SOX5: variants seen among roughly 807,000 people sequenced by gnomAD.
SOX5 encodes the protein SRY-box transcription factor 5, also known as transcription factor SOX-5.
A neutral mutation model predicts 92.0 loss-of-function variants in SOX5; 9 were observed. That is an observed-to-expected ratio of 0.10 (90% CI 0.06 to 0.17). SOX5 has a LOEUF of 0.17. Among genes scored for constraint, SOX5 ranks in the 10% least tolerant of loss-of-function variants. The probability of loss-of-function intolerance (pLI) is 1.00; values close to 1 mark genes in which losing one functional copy is unlikely to be tolerated. For missense variants in SOX5, 642 were observed against 944.5 expected, an observed-to-expected ratio of 0.68 and a Z score of 4.20; for synonymous variants, 344 against 336.3, an observed-to-expected ratio of 1.02 and a Z score of -0.25.
chr12:23,616,512 G>A (rs2076574182), intron 8 of SOX5, among the ~76,000 whole-genome samples: 1 of 152,170 alleles, frequency 6.6e-6, no homozygotes, highest in African/African-American at 2.4e-5. Flanking sequence ...GTATACTAAG[G>A]AATAGAGTCA....
At chr12:23,743,094 T>C (rs767407052) in intron 4 of SOX5, among the ~76,000 whole-genome samples, 1 of 152,154 alleles carries the variant, frequency 6.6e-6, no homozygotes, top group Non-Finnish European at 1.5e-5. Flanking sequence ...TTTGTAACCA[T>C]AAAAAATTAT....
chr12:24,262,725 A>G (rs1942338809), intron 3 of SOX5, among the ~76,000 whole-genome samples: 2 of 152,174 alleles, frequency 1.3e-5, no homozygotes, highest in Non-Finnish European at 1.5e-5. Flanking sequence ...TCAGGACTCT[A>G]ACATTTTTGA....
At chr12:24,130,928 C>T (rs978017305) in intron 4 of SOX5, among the ~76,000 whole-genome samples, 38 of 152,210 alleles carry the variant, frequency 2.5e-4, no homozygotes, top group African/African-American at 8.7e-4. Context: ...TAACATCTAA[C>T]ACAGCCACAA....
intron 1 of SOX5, among the ~76,000 whole-genome samples, chr12:24,404,743 G>A (rs1430144798): frequency 2.6e-5 from 4 of 152,094 alleles, no homozygotes; most frequent in Admixed American, 2.0e-4. Context: ...AAGTAATTGC[G>A]CTCCTCTGAA....
intron 6 of SOX5, among the ~76,000 whole-genome samples, chr12:23,714,262 A>C (rs545759244): frequency 6.6e-6 from 1 of 152,324 alleles, no homozygotes; most frequent in South Asian, 2.1e-4. Context: ...AATGATATAA[A>C]GGCAATGGCA....
chr12:24,245,483 A>T (rs1313682870), intron 3 of SOX5, among the ~76,000 whole-genome samples: 1 of 152,200 alleles, frequency 6.6e-6, no homozygotes, highest in Non-Finnish European at 1.5e-5. Context: ...AAGCTGGCAA[A>T]CTAATTTGAT....
intron 2 of SOX5, among the ~76,000 whole-genome samples, chr12:24,330,557 A>T (rs1331034493): frequency 1.3e-5 from 2 of 152,172 alleles, no homozygotes; most frequent in South Asian, 4.1e-4. Flanking sequence ...TGTGGCCATG[A>T]TATCCTGTAT....
At chr12:24,135,195 C>G (rs768963046) in intron 4 of SOX5, among the ~76,000 whole-genome samples, 3 of 152,192 alleles carry the variant, frequency 2.0e-5, no homozygotes, top group Non-Finnish European at 2.9e-5. Flanking sequence ...TGCTGCTAAA[C>G]CACCCTAGCC....
chr12:23,597,585 G>A (rs1166074387), intron 9 of SOX5, among the ~76,000 whole-genome samples: 1 of 152,164 alleles, frequency 6.6e-6, no homozygotes, highest in Admixed American at 6.5e-5. Flanking sequence ...TATTTAAAAT[G>A]ACAGGGCAAC....
chr12:23,853,548 T>G (rs955386124), intron 2 of SOX5, among the ~76,000 whole-genome samples: 8 of 151,542 alleles, frequency 5.3e-5, no homozygotes, highest in African/African-American at 1.5e-4. Context: ...AACGTGTTTT[T>G]TTTTTTTTTT....
At chr12:23,957,363 A>G (rs1393243883) in intron 4 of SOX5, among the ~76,000 whole-genome samples, 1 of 152,176 alleles carries the variant, frequency 6.6e-6, no homozygotes, top group Non-Finnish European at 1.5e-5. Flanking sequence ...CGTGCCTGAG[A>G]TTTTAGTTTC....
At chr12:24,407,764 C>T (rs1963287900) in intron 1 of SOX5, among the ~76,000 whole-genome samples, 2 of 152,096 alleles carry the variant, frequency 1.3e-5, no homozygotes, top group Admixed American at 1.3e-4. Flanking sequence ...GAGTGATCAG[C>T]AGAAGGAATG....
chr12:24,021,974 C>A (rs1954344137), intron 4 of SOX5, among the ~76,000 whole-genome samples: 1 of 152,112 alleles, frequency 6.6e-6, no homozygotes, highest in African/African-American at 2.4e-5. Flanking sequence ...TGTATTTGTT[C>A]ACTTCTTTAT....
intron 4 of SOX5, among the ~76,000 whole-genome samples, chr12:24,149,005 G>C (rs1205296988): frequency 6.6e-6 from 1 of 152,106 alleles, no homozygotes; most frequent in South Asian, 2.1e-4. Flanking sequence ...TTAATAAGTG[G>C]TGTTGGAACA....
chr12:24,130,447 A>G (rs1252130591), intron 4 of SOX5, among the ~76,000 whole-genome samples: 6 of 146,832 alleles, frequency 4.1e-5, no homozygotes, highest in Middle Eastern at 3.3e-3. Context: ...TGGATCTCAC[A>G]TAAATCTAAT....
At chr12:23,808,962 A>G (rs12826821) in intron 3 of SOX5, among the ~76,000 whole-genome samples, 1 of 152,178 alleles carries the variant, frequency 6.6e-6, no homozygotes, top group South Asian at 2.1e-4. Flanking sequence ...ATCCTCAGAC[A>G]CAAAATAAGT....
chr12:23,896,340 C>T lies in SOX5; in HGVS notation c.39-316G>A, dbSNP rs764666599. On this transcript the variant is annotated intron_variant, in intron 1 of 14. Coordinates refer to ENST00000451604, the MANE Select transcript of SOX5 (RefSeq NM_006940.6). ...TCCATTTTAGAGGGAAGAAAAATAC[C>T]CATCTAGTTTTACACTCTGATAGAC... 5.1e-4 allele frequency among the ~76,000 whole-genome samples: 78 copies of T among 152,166 alleles called. 1 individual carries two copies. The highest frequency in any genetic ancestry group is 3.4e-3 in the Middle Eastern group (1 of 294).
chr12:23,886,482 TAC>T (rs2097067250), intron 2 of SOX5, among the ~76,000 whole-genome samples: 1 of 152,130 alleles, frequency 6.6e-6, no homozygotes, highest in African/African-American at 2.4e-5. Context: ...TACCACGTCT[TAC>T]AGATTTCATT....
chr12:23,570,980 T>G (rs1948266633), intron 10 of SOX5, among the ~76,000 whole-genome samples: 1 of 118,890 alleles, frequency 8.4e-6, no homozygotes, highest in Non-Finnish European at 1.7e-5. Context: ...TATATATATA[T>G]ATATTTTCAT....
Sources: gnomAD v4.1 joint callset for allele counts (sites outside exome capture counted in the v4.1 genomes callset) on GRCh38, gnomAD v4.1.1 for gene constraint, MANE v1.5 for transcripts, NCBI Gene and HGNC (gene_info 2026-07-23, HGNC 2026-07-21) for gene names.